The following ROBO2 variants were observed in gnomAD, a reference collection of about 807,000 sequenced individuals.
ROBO2 encodes roundabout homolog 2.
ROBO2 carries 53 observed loss-of-function variants against 160.8 expected under a neutral mutation model. The observed-to-expected ratio is 0.33, with a 90% CI of 0.26 to 0.41. ROBO2 has a LOEUF of 0.41. Among genes scored for constraint, ROBO2 ranks in the 10% least tolerant of loss-of-function variants. The pLI is 1.00. For synonymous variants in ROBO2, 664 were observed against 611.7 expected, an observed-to-expected ratio of 1.09 and a Z score of -1.26; for missense variants, 1,577 against 1,722.4, an observed-to-expected ratio of 0.92 and a Z score of 1.49.
At chr3:77,163,460 T>C (rs1186238813) in intron 2 of ROBO2, among the ~76,000 whole-genome samples, 1 of 152,204 alleles carries the variant, frequency 6.6e-6, no homozygotes, top group Non-Finnish European at 1.5e-5. Flanking sequence ...CCCAATGTCA[T>C]ATGTTGTGTT....
intron 2 of ROBO2, among the ~76,000 whole-genome samples, chr3:76,905,328 C>A (rs1290556679): frequency 6.6e-6 from 1 of 152,060 alleles, no homozygotes; most frequent in Non-Finnish European, 1.5e-5. Context: ...ACAAGGCAAT[C>A]ACGTATAGGG....
chr3:76,142,124 C>G (rs933792189), intron 2 of ROBO2, among the ~76,000 whole-genome samples: 1 of 151,908 alleles, frequency 6.6e-6, no homozygotes, highest in Non-Finnish European at 1.5e-5. Flanking sequence ...ATAGAATGTC[C>G]AATCCTATTG....
intron 2 of ROBO2, among the ~76,000 whole-genome samples, chr3:76,153,440 T>TTTG (rs1425980379): frequency 1.3e-5 from 2 of 152,158 alleles, no homozygotes; most frequent in Non-Finnish European, 2.9e-5. Context: ...CATTGAGTTT[T>TTTG]TTGTTGTTGT....
intron 2 of ROBO2, among the ~76,000 whole-genome samples, chr3:76,022,391 A>G (rs1316160532): frequency 1.3e-5 from 2 of 151,812 alleles, no homozygotes; most frequent in Non-Finnish European, 3.0e-5. Flanking sequence ...AAGATTTTCA[A>G]TTTACTTTAC....
intron 2 of ROBO2, among the ~76,000 whole-genome samples, chr3:76,537,467 G>A (rs534084831): frequency 6.6e-6 from 1 of 152,154 alleles, no homozygotes; most frequent in East Asian, 1.9e-4. Flanking sequence ...GGCTAAGGGG[G>A]AAGAAATTGA....
intron 2 of ROBO2, among the ~76,000 whole-genome samples, chr3:76,757,773 A>T (rs2061066149): frequency 6.6e-6 from 1 of 151,820 alleles, no homozygotes; most frequent in South Asian, 2.1e-4. Flanking sequence ...AGAGAGATTG[A>T]ACCTTCTAAA....
At chr3:76,397,759 A>T (rs1206211707) in intron 2 of ROBO2, among the ~76,000 whole-genome samples, 4 of 152,268 alleles carry the variant, frequency 2.6e-5, no homozygotes, top group African/African-American at 7.2e-5. Context: ...GAAATGCAAA[A>T]CAAAACCACA....
chr3:76,835,123 G>A (rs983999298), intron 2 of ROBO2, among the ~76,000 whole-genome samples: 7 of 151,830 alleles, frequency 4.6e-5, no homozygotes, highest in Middle Eastern at 3.4e-3. Flanking sequence ...TACCAAAAAC[G>A]TCACATTCCC....
At chr3:77,038,503 G>C (rs1022944216), upstream of ROBO2, among the ~76,000 whole-genome samples, 1 of 152,048 alleles carries the variant, frequency 6.6e-6, no homozygotes, top group Non-Finnish European at 1.5e-5. Context: ...GCACCAAAAC[G>C]TATCCACCAA....
chr3:77,503,935 G>C (rs1160811563), intron 5 of ROBO2, among the ~76,000 whole-genome samples: 1 of 152,174 alleles, frequency 6.6e-6, no homozygotes, highest in Non-Finnish European at 1.5e-5. Context: ...CAAATATAAG[G>C]AATGGGAGGA....
At chr3:76,814,822 T>G (rs2065517200) in intron 2 of ROBO2, among the ~76,000 whole-genome samples, 1 of 152,012 alleles carries the variant, frequency 6.6e-6, no homozygotes, top group Admixed American at 6.6e-5. Flanking sequence ...AAGAATAATT[T>G]CTGGAAAAAA....
At chr3:77,058,088 T>C (rs115471809) in intron 1 of ROBO2, among the ~76,000 whole-genome samples, 2 of 152,196 alleles carry the variant, frequency 1.3e-5, no homozygotes, top group Admixed American at 1.3e-4. Context: ...AATACTCGGA[T>C]GTTTTCCTAA....
chr3:76,501,731 AG>A (rs2080472028), intron 2 of ROBO2, among the ~76,000 whole-genome samples: 2 of 152,220 alleles, frequency 1.3e-5, no homozygotes, highest in South Asian at 2.1e-4. Context: ...TTAATTAGAA[AG>A]GCTCAACTCT....
intron 15 of ROBO2, among the ~76,000 whole-genome samples, chr3:77,577,943 T>C (rs2093811674): frequency 6.6e-6 from 1 of 152,036 alleles, no homozygotes; most frequent in African/African-American, 2.4e-5. Context: ...TCTTTGTTAT[T>C]AGAATTCTGC....
At chr3:76,231,601 C>T (rs929633246) in intron 2 of ROBO2, among the ~76,000 whole-genome samples, 2 of 152,170 alleles carry the variant, frequency 1.3e-5, no homozygotes, top group East Asian at 1.9e-4. Context: ...GTGTTTTTCT[C>T]TACGTCCTTC....
At chr3:76,268,672 A>G (rs946898265) in intron 2 of ROBO2, among the ~76,000 whole-genome samples, 48 of 152,298 alleles carry the variant, frequency 3.2e-4, no homozygotes, top group African/African-American at 1.1e-3. Flanking sequence ...CGTTTGAATT[A>G]GGGTTCAAGA....
intron 5 of ROBO2, among the ~76,000 whole-genome samples, chr3:77,504,944 G>A (rs1214068038): frequency 2.0e-5 from 3 of 152,170 alleles, no homozygotes; most frequent in Middle Eastern, 3.2e-3. Flanking sequence ...GAATAGCAAT[G>A]GCTATTTCAA....
At chr3:76,058,645 C>CT (rs551924637) in intron 2 of ROBO2, among the ~76,000 whole-genome samples, 2,376 of 106,434 alleles carry the variant, frequency 0.022, 29 homozygotes, top group East Asian at 0.092. Context: ...GTTTCCTTGC[C>CT]TTTTTTTTTA....
At position 76,876,485 on chromosome 3, in the gene ROBO2, G is replaced by A. The variant is rs144613999; in HGVS notation, c.110-221529G>A. On this transcript the variant is annotated intron_variant, in intron 2 of 26. Coordinates refer to the ROBO2 transcript ENST00000487694. ...AGGTCAGCAGTTTAAAACCAGCCTGGCTAACATGATAAAACCCTGCCTCTA... is the reference window on the plus strand; with the variant it reads ...AGGTCAGCAGTTTAAAACCAGCCTGACTAACATGATAAAACCCTGCCTCTA... 2.6e-4 allele frequency among the ~76,000 whole-genome samples: 39 copies of A among 152,212 alleles called. No homozygotes were observed. The East Asian group carries it at 7.5e-3, about 29-fold the overall frequency.
Sources: gnomAD v4.1 joint callset for allele counts (sites outside exome capture counted in the v4.1 genomes callset) on GRCh38, gnomAD v4.1.1 for gene constraint, MANE v1.5 for transcripts, NCBI Gene and HGNC (gene_info 2026-07-23, HGNC 2026-07-21) for gene names.